The following ATXN2 variants were observed in gnomAD, a reference collection of about 807,000 sequenced individuals.
ATXN2 encodes the protein ataxin 2.
In ATXN2, 37 loss-of-function variants were observed where a neutral mutation model predicts 138.6. The observed-to-expected ratio is 0.27, with a 90% confidence interval of 0.21 to 0.35. The LOEUF is 0.35. Among genes scored for constraint, ATXN2 ranks in the 10% least tolerant of loss-of-function variants. The pLI is 1.00. For missense variants in ATXN2, 1,216 were observed against 1,480.3 expected (o/e 0.82, Z 2.93); for synonymous variants, 549 against 543.7 (o/e 1.01, Z -0.13).
intron 5 of ATXN2, among the ~76,000 whole-genome samples, chr12:111,549,343 T>C (rs967143671): frequency 1.3e-5 from 2 of 151,824 alleles, no homozygotes; most frequent in Admixed American, 1.3e-4. Context: ...CTGGCCAACA[T>C]GGTGAAACCC....
intron 1 of ATXN2, among the ~76,000 whole-genome samples, chr12:111,576,306 C>T (rs944981004): frequency 6.6e-6 from 1 of 151,638 alleles, no homozygotes; most frequent in Non-Finnish European, 1.5e-5. Flanking sequence ...TAGTCAGGCA[C>T]GGTAGTGCAC....
At chr12:111,498,975 T>C (rs953833672) in intron 14 of ATXN2, among the ~76,000 whole-genome samples, 2 of 152,132 alleles carry the variant, frequency 1.3e-5, no homozygotes, top group Non-Finnish European at 2.9e-5. Context: ...TAAATGGTGC[T>C]GGGAAAACTG....
chr12:111,498,137 G>A (rs1878547028), intron 14 of ATXN2, among the ~76,000 whole-genome samples: 1 of 152,052 alleles, frequency 6.6e-6, no homozygotes, highest in Admixed American at 6.6e-5. Context: ...AAAACTGAAA[G>A]GCTTTCCTCT....
chr12:111,525,469 T>C (rs886478481), intron 5 of ATXN2, among the ~76,000 whole-genome samples, 153 bp from the exon 6 acceptor site: 5 of 152,204 alleles, frequency 3.3e-5, no homozygotes, highest in African/African-American at 9.7e-5. Context: ...GAAACATTTA[T>C]TGAACATAAT....
Position 111,520,939 on chromosome 12 carries a change from T to C in ATXN2, c.731A>G (p.Tyr244Cys), listed in dbSNP as rs771745467. 2.5e-6 allele frequency: 4 copies of C among 1,596,558 alleles called. No homozygotes were observed. The highest frequency in any genetic ancestry group is 2.2e-5 in the South Asian group (2 of 88,946). The stretch of plus-strand genomic sequence containing the variant: ...CACTACACCATAATTTTCTTCATTA[T>C]ATCGAAACATATCATTGGGATCCCA... ...NGWDPNDMFRYNEENYGVVST... is the reference protein window; with the variant it reads ...NGWDPNDMFRCNEENYGVVST... The change falls in exon 7 of 25, where the codon TAT becomes TGT. Residue 244 changes from tyrosine (Y) to cysteine (C), a missense_variant. Tyr to Cys is a radical substitution (Grantham distance 194). Coordinates refer to ENST00000673436, the MANE Select transcript of ATXN2 (RefSeq NM_001372574.1).
chr12:111,466,117 G>C (rs1875994328), intron 20 of ATXN2, among the ~76,000 whole-genome samples: 1 of 150,804 alleles, frequency 6.6e-6, no homozygotes, highest in East Asian at 2.0e-4. Flanking sequence ...AGGGAGCTGA[G>C]ATCGCGCCAC....
chr12:111,518,970 G>A (rs936593085), intron 8 of ATXN2, among the ~76,000 whole-genome samples: 10 of 152,078 alleles, frequency 6.6e-5, no homozygotes, highest in South Asian at 2.1e-4. Flanking sequence ...TTCTCAACAC[G>A]TTTATGAATA....
Position 111,598,694 on chromosome 12 carries a change from C to T in ATXN2, c.251+90G>A. 1 of 822,138 alleles carries T rather than the reference C, an allele frequency of 1.2e-6. No homozygotes were observed. Among genetic ancestry groups the T allele is most frequent in the Non-Finnish European group, 1.5e-6 (1 of 667,936 alleles). The allele number at this position is 822,138 out of a possible 1,614,324, so 50.9% of individuals were successfully genotyped here. A position where few individuals can be genotyped will look rare whatever the true frequency, so the allele number is the denominator to read the frequency against. ...GGCCCCCAGCCCACCCCGGGTAGCC[C>T]GGCGGGTCACGGGGCGGGGACGGCG... On this transcript the variant is annotated intron_variant, in intron 1 of 24. Transcript: ENST00000673436. The surrounding 1 kb of genome is among the most constrained non-coding windows in gnomAD (Gnocchi z 4.5).
chr12:111,472,786 C>A (rs111818253), intron 18 of ATXN2, among the ~76,000 whole-genome samples: 1 of 151,600 alleles, frequency 6.6e-6, no homozygotes, highest in Non-Finnish European at 1.5e-5. Context: ...GTTGGCCAGG[C>A]TGGTCTCGAA....
intron 18 of ATXN2, among the ~76,000 whole-genome samples, chr12:111,479,507 T>G (rs1401989430): frequency 1.3e-5 from 2 of 151,142 alleles, no homozygotes; most frequent in Non-Finnish European, 2.9e-5. Flanking sequence ...GCAGACCAAT[T>G]CTGGGACACA....
chr12:111,516,264 G>A lies in ATXN2; in HGVS notation c.1265C>T (p.Thr422Ile). The change falls in exon 10 of 25, where the codon ACA (threonine) becomes ATA (isoleucine). Residue 422 changes from threonine to isoleucine, a missense_variant. Physicochemically the swap from Thr to Ile is moderately conservative, Grantham distance 89. This residue lies in a region of ATXN2 where 401 missense variants were observed against 528.1 expected (regional missense o/e 0.76). Transcript: ENST00000673436. This position sits in a 1 kb window ranked among gnomAD's most constrained non-coding sequence, Gnocchi z 5.0. ...NSLPPRAATP[T>I]RPPSRPPSRP... ...CGAGGGGGGCCTGGAGGGCGGCCGT[G>A]TAGGGGTGGCTGCCCGAGGTGGAAG... 1.3e-6 allele frequency: 2 copies of A among 1,575,086 alleles called. No individual in the cohort carries two copies. The highest frequency in any genetic ancestry group is 1.7e-6 in the Non-Finnish European group (2 of 1,165,890).
intron 18 of ATXN2, among the ~76,000 whole-genome samples, chr12:111,484,489 G>C (rs1466166788): frequency 6.6e-6 from 1 of 152,070 alleles, no homozygotes; most frequent in Admixed American, 6.6e-5. Context: ...CTGAAGTGCA[G>C]TGGCACGATC....
chr12:111,482,865 GA>G (rs1877347391), intron 18 of ATXN2: 1 of 151,486 alleles, frequency 6.6e-6, no homozygotes, highest in Admixed American at 6.6e-5. Flanking sequence ...CTGAGAAAAC[GA>G]AAATTAAGAG....
chr12:111,495,160 T>C (rs746213199), intron 14 of ATXN2, among the ~76,000 whole-genome samples: 3 of 151,958 alleles, frequency 2.0e-5, no homozygotes, highest in Non-Finnish European at 4.4e-5. Context: ...ACAAAAAATT[T>C]AGCTGGGCTT....
At chr12:111,575,099 C>A (rs532278682) in intron 1 of ATXN2, among the ~76,000 whole-genome samples, 24 of 152,188 alleles carry the variant, frequency 1.6e-4, no homozygotes, top group Non-Finnish European at 2.6e-4. Flanking sequence ...TTAATTATGA[C>A]CCTAATCAAT....
intron 23 of ATXN2, chr12:111,455,750 G>A (rs1593090514): frequency 3.8e-6 from 2 of 522,810 alleles, no homozygotes; most frequent in East Asian, 7.1e-5. Context: ...AGCAGACACA[G>A]AAAGGAAAGA....
chr12:111,537,561 C>T (rs1240460200), intron 5 of ATXN2, among the ~76,000 whole-genome samples: 2 of 146,910 alleles, frequency 1.4e-5, no homozygotes, highest in Non-Finnish European at 3.0e-5. Flanking sequence ...CCAGCCTGGG[C>T]GACACAGTGA....
chr12:111,500,390 C>T (rs752513630), intron 14 of ATXN2, among the ~76,000 whole-genome samples: 2 of 152,056 alleles, frequency 1.3e-5, no homozygotes, highest in Non-Finnish European at 1.5e-5. Flanking sequence ...TATTCTTACT[C>T]GTTTGCAGGC....
rs1016121249 is a variant in ATXN2 at position 111,452,642 on chromosome 12, A to G, written c.*170T>C. On this transcript the variant is annotated 3_prime_UTR_variant, in exon 25 of 25. Coordinates refer to ENST00000673436, the MANE Select transcript of ATXN2 (RefSeq NM_001372574.1). ...TTCCTAAATGCCTCTACTCGGTCCA[A>G]GTATCTTCCACTGCAAGTGAACTGT... The G allele has an allele frequency of 3.2e-5, 25 of 777,338 alleles. No homozygotes were observed. The Admixed American group carries it at 3.7e-4, about 11-fold the overall frequency. The allele number at this position is 777,338 out of a possible 1,614,324, so 48.2% of individuals were successfully genotyped here. A position where few individuals can be genotyped will look rare whatever the true frequency, so the allele number is the denominator to read the frequency against.
Sources: gnomAD v4.1 joint callset for allele counts (sites outside exome capture counted in the v4.1 genomes callset) on GRCh38, gnomAD v4.1.1 for gene constraint, gnomAD v4.1.1 regional missense constraint, Gnocchi (gnomAD v3.1) non-coding constraint, MANE v1.5 for transcripts, NCBI Gene and HGNC (gene_info 2026-07-23, HGNC 2026-07-21) for gene names.